Variants in ZBTB20 observed in about 807,000 individuals in gnomAD.
ZBTB20 encodes the protein zinc finger and BTB domain-containing protein 20.
A neutral mutation model predicts 56.9 loss-of-function variants in ZBTB20; 9 were observed. The observed-to-expected ratio is 0.16, with a 90% CI of 0.10 to 0.28. ZBTB20 has a LOEUF of 0.28. ZBTB20 is among the 10% of genes least tolerant of loss of function. ZBTB20 has a pLI of 1.00. For synonymous variants in ZBTB20, 417 were observed against 420.7 expected (o/e 0.99, Z 0.11); for missense variants, 655 against 1,003.0 (o/e 0.65, Z 4.69).
rs116120172 is a variant in ZBTB20, at chr3:114,508,676, A to C, written c.-294-8285T>G. Among the ~76,000 whole-genome samples the C allele has an allele frequency of 9.7e-3, 1,481 of 152,276 alleles. 23 individuals carry two copies. The highest frequency in any genetic ancestry group is 0.033 in the African/African-American group (1,364 of 41,578). ...AAACAAAAACAAAATCTGCATTCCA[A>C]TGTAACTTGTAGAGAAGATCCAGTA... is the stretch of plus-strand genomic sequence containing the variant. On this transcript the variant is annotated intron_variant, in intron 6 of 11. Transcript: ENST00000675478.
intron 3 of ZBTB20, among the ~76,000 whole-genome samples, chr3:114,906,427 CACA>C (rs1245599537): frequency 6.6e-6 from 1 of 151,568 alleles, no homozygotes; most frequent in Non-Finnish European, 1.5e-5. Context: ...GCAATGGAAT[CACA>C]ACAACAGCAA....
At chr3:115,104,985 C>T (rs776160997) in intron 1 of ZBTB20, among the ~76,000 whole-genome samples, 4 of 152,006 alleles carry the variant, frequency 2.6e-5, no homozygotes, top group Non-Finnish European at 5.9e-5. Context: ...AATCTCTGTA[C>T]CTCCCCATCG....
At position 114,325,622 on chromosome 3, in the gene ZBTB20, C is replaced by A. The variant is rs918510758; in HGVS notation, c.*13383G>T. Reference sequence around the variant, plus strand: ...AACAACAAGGGGTGAGTAGTGCTAACTTTCTCCGGTAACCTTGACAACTGG... The same window carrying A: ...AACAACAAGGGGTGAGTAGTGCTAAATTTCTCCGGTAACCTTGACAACTGG... On this transcript the variant is annotated 3_prime_UTR_variant, in exon 12 of 12. Coordinates refer to ENST00000675478, the MANE Select transcript of ZBTB20 (RefSeq NM_001348800.3). 1.3e-5 allele frequency: 2 copies of A among 152,150 alleles called. No individual in the cohort carries two copies. Among genetic ancestry groups the A allele is most frequent in the Admixed American group, 1.3e-4 (2 of 15,282 alleles). The allele number at this position is 152,150 out of a possible 1,614,324, so 9.4% of individuals were successfully genotyped here. A position where few individuals can be genotyped will look rare whatever the true frequency, so the allele number is the denominator to read the frequency against.
intron 6 of ZBTB20, among the ~76,000 whole-genome samples, chr3:114,579,583 G>A (rs2054436347): frequency 6.6e-6 from 1 of 151,108 alleles, no homozygotes; most frequent in African/African-American, 2.4e-5. Flanking sequence ...GCTGATAAAA[G>A]CAGAAAGTAA....
chr3:114,504,257 C>CA (rs1382146389), intron 6 of ZBTB20, among the ~76,000 whole-genome samples: 1 of 152,054 alleles, frequency 6.6e-6, no homozygotes, highest in Non-Finnish European at 1.5e-5. Flanking sequence ...GCCTTAGCAA[C>CA]AATGGAGTAG....
intron 6 of ZBTB20, among the ~76,000 whole-genome samples, chr3:114,634,786 A>C (rs1423163838): frequency 6.6e-6 from 1 of 152,204 alleles, no homozygotes; most frequent in Non-Finnish European, 1.5e-5. Flanking sequence ...CCTGTGCCAC[A>C]GAAAGTGAGA....
intron 5 of ZBTB20, among the ~76,000 whole-genome samples, chr3:114,793,786 T>C (rs2071150385): frequency 6.6e-6 from 1 of 152,084 alleles, no homozygotes; most frequent in African/African-American, 2.4e-5. Flanking sequence ...TTTTTTCCAC[T>C]AAAATGTATA....
At chr3:114,880,660 T>C (rs2076365059) in intron 4 of ZBTB20, among the ~76,000 whole-genome samples, 1 of 152,150 alleles carries the variant, frequency 6.6e-6, no homozygotes, top group Admixed American at 6.5e-5. Context: ...GGAGAAAAAT[T>C]GGAAGCAACT....
chr3:114,363,567 A>G (rs940115815), intron 10 of ZBTB20, among the ~76,000 whole-genome samples: 1 of 152,154 alleles, frequency 6.6e-6, no homozygotes, highest in Non-Finnish European at 1.5e-5. Context: ...TCCTTTATGG[A>G]CCTGTTATCC....
At chr3:114,832,333 CT>C (rs2073895665) in intron 4 of ZBTB20, among the ~76,000 whole-genome samples, 1 of 152,016 alleles carries the variant, frequency 6.6e-6, no homozygotes, top group Non-Finnish European at 1.5e-5. Context: ...CCAAAATCAC[CT>C]CATTCTTTGA....
chr3:114,851,134 A>C (rs2074980848), intron 4 of ZBTB20, among the ~76,000 whole-genome samples: 1 of 152,236 alleles, frequency 6.6e-6, no homozygotes, highest in South Asian at 2.1e-4. Flanking sequence ...CACATGACTC[A>C]GTAAAGCAAA....
At chr3:114,589,697 C>T (rs79228903) in intron 6 of ZBTB20, among the ~76,000 whole-genome samples, 1 of 152,158 alleles carries the variant, frequency 6.6e-6, no homozygotes, top group Admixed American at 6.5e-5. Flanking sequence ...CATCTTTTTG[C>T]ATAAAAACTT....
At chr3:114,860,167 C>T (rs1309152706) in intron 4 of ZBTB20, among the ~76,000 whole-genome samples, 1 of 151,958 alleles carries the variant, frequency 6.6e-6, no homozygotes, top group Admixed American at 6.6e-5. Flanking sequence ...ATTAGCCGGG[C>T]TTGTTGGCGT....
chr3:114,779,429 CT>C (rs942107169), intron 5 of ZBTB20, among the ~76,000 whole-genome samples: 5 of 152,230 alleles, frequency 3.3e-5, no homozygotes, highest in Admixed American at 2.6e-4. Flanking sequence ...TCTATCACCC[CT>C]GGTAAGAAGT....
chr3:115,054,320 T>C (rs1043964310), intron 2 of ZBTB20, among the ~76,000 whole-genome samples: 2 of 152,176 alleles, frequency 1.3e-5, no homozygotes, highest in African/African-American at 4.8e-5. Flanking sequence ...TAACCAATAG[T>C]CATCCAGTTT....
rs760291400 is a variant in ZBTB20 at position 114,351,483 on chromosome 3, C to G, written c.595G>C (p.Asp199His). Residue 199 changes from aspartate to histidine, a missense_variant, in exon 11 of 12, where the codon GAT (aspartate) becomes CAT (histidine). Transcript: ENST00000675478. ...CTRIVSQNVG[D>H]VFPGIQDSGQ... ...GAGTCCTGGATCCCCGGGAACACAT[C>G]GCCCACGTTCTGTGACACGATGCGC... 5.0e-6 allele frequency: 8 copies of G among 1,613,798 alleles called. No individual in the cohort carries two copies. The highest frequency in any genetic ancestry group is 5.9e-6 in the Non-Finnish European group (7 of 1,180,020).
chr3:114,516,004 A>AT (rs34260800), intron 6 of ZBTB20, among the ~76,000 whole-genome samples: 2,516 of 141,220 alleles, frequency 0.018, 26 homozygotes, highest in South Asian at 0.038. Flanking sequence ...TAATTAAACA[A>AT]TTTTTTTTTT....
At chr3:114,867,083 G>A (rs2075795172) in intron 4 of ZBTB20, among the ~76,000 whole-genome samples, 2 of 152,268 alleles carry the variant, frequency 1.3e-5, no homozygotes, top group South Asian at 2.1e-4. Flanking sequence ...ATTATAGGAT[G>A]AAAAAGCCCC....
At chr3:114,702,294 G>C (rs1376114060) in intron 5 of ZBTB20, among the ~76,000 whole-genome samples, 3 of 152,214 alleles carry the variant, frequency 2.0e-5, no homozygotes, top group Non-Finnish European at 4.4e-5. Context: ...GCTGCAGTGA[G>C]CCATGATCGT....
Sources: gnomAD v4.1 joint callset for allele counts (sites outside exome capture counted in the v4.1 genomes callset) on GRCh38, gnomAD v4.1.1 for gene constraint, MANE v1.5 for transcripts, NCBI Gene and HGNC (gene_info 2026-07-23, HGNC 2026-07-21) for gene names.